The following SSX7 variants were observed in gnomAD, a reference collection of about 807,000 sequenced individuals.
SSX7 encodes the protein protein SSX7.
A neutral mutation model predicts 14.7 loss-of-function variants in SSX7; 15 were observed. That is an observed-to-expected ratio of 1.02 (90% CI 0.68 to 1.58). The LOEUF (loss-of-function observed/expected upper bound fraction) is 1.58, where lower values mean the gene tolerates loss of function less well. SSX7 is among the 40% of genes most tolerant of loss of function. The pLI is 0.00. For synonymous variants in SSX7, 46 were observed against 50.6 expected (o/e 0.91, Z 0.38); for missense variants, 178 against 146.8 (o/e 1.21, Z -1.10).
intron 5 of SSX7, among the ~76,000 whole-genome samples, chrX:52,649,672 G>A (rs782763671): frequency 3.6e-5 from 4 of 111,786 alleles, no homozygotes; most frequent in Non-Finnish European, 7.5e-5. Flanking sequence ...CAGTCAAAAC[G>A]ATTCCTAAGC....
intron 6 of SSX7, among the ~76,000 whole-genome samples, chrX:52,646,471 T>C (rs1374343064): frequency 8.9e-6 from 1 of 112,686 alleles, no homozygotes; most frequent in Non-Finnish European, 1.9e-5. Context: ...GAAAATAGGG[T>C]ATCCATCCCT....
At position 52,650,377 on chromosome X, in the gene SSX7, G is replaced by A; in HGVS notation, c.306C>T (p.Cys102=). 8.3e-7 allele frequency: 1 copy of A among 1,210,256 alleles called. No individual in the cohort carries two copies. The highest frequency in any genetic ancestry group is 1.1e-6 in the Non-Finnish European group (1 of 894,443). Residue 102 remains cysteine (C), a synonymous_variant, in exon 5 of 8, where the codon TGC becomes TGT. Transcript: ENST00000298181. ...CCTTCGGGAAGATTCTCTGGAGCCT[G>A]CAAAAAGTCATCTGAGGACGTTCAA... ...NQVERPQMTF[C]RLQRIFPKIM...
chrX:52,649,052 G>A (rs1411549197), intron 5 of SSX7, among the ~76,000 whole-genome samples: 1 of 109,276 alleles, frequency 9.2e-6, no homozygotes, highest in Non-Finnish European at 1.9e-5. Flanking sequence ...GTTTTGTTTT[G>A]AGACAGAGTC....
intron 1 of SSX7, among the ~76,000 whole-genome samples, chrX:52,654,364 G>GGT (rs1556767486): frequency 3.3e-5 from 2 of 60,944 alleles, no homozygotes; most frequent in African/African-American, 6.6e-5. Context: ...ATTTGAGTGA[G>GGT]TTTTTTTTTT....
chrX:52,647,129 A>T (rs150016590), intron 6 of SSX7, among the ~76,000 whole-genome samples: 2 of 112,369 alleles, frequency 1.8e-5, no homozygotes, highest in Non-Finnish European at 3.7e-5. Context: ...GAGCAAGACC[A>T]GAACTCTCTT....
chrX:52,649,032 T>A (rs1556766698), intron 5 of SSX7, among the ~76,000 whole-genome samples: 1 of 111,194 alleles, frequency 9.0e-6, no homozygotes, highest in Non-Finnish European at 1.9e-5. Context: ...AAGCTACTTT[T>A]TTTTTTGTTG....
At chrX:52,653,238 A>G (rs1448347129) in intron 2 of SSX7, 166 bp downstream of exon 2, 2 of 752,196 alleles carry the variant, frequency 2.7e-6, no homozygotes, top group East Asian at 3.1e-4. Context: ...CTTGTCTCCA[A>G]GGATGCTAGT....
At chrX:52,653,853 G>T (rs374357161) in intron 1 of SSX7, among the ~76,000 whole-genome samples, 12 of 110,697 alleles carry the variant, frequency 1.1e-4, no homozygotes, top group African/African-American at 3.6e-4. Context: ...TATTCAGTGG[G>T]GGCATGCTGA....
chrX:52,647,451 G>A (rs181927499), intron 6 of SSX7, among the ~76,000 whole-genome samples: 1 of 112,163 alleles, frequency 8.9e-6, no homozygotes, highest in East Asian at 2.8e-4. Context: ...TTCTACTGTG[G>A]GTAAAATGCT....
chrX:52,646,562 A>G (rs1295224185), intron 6 of SSX7, among the ~76,000 whole-genome samples: 2 of 112,018 alleles, frequency 1.8e-5, no homozygotes, highest in Admixed American at 1.9e-4. Flanking sequence ...GTTATTATTG[A>G]CAATAATCAC....
chrX:52,650,232 G>A (rs1407726750), intron 5 of SSX7, 121 bp downstream of exon 5: 1 of 890,802 alleles, frequency 1.1e-6, no homozygotes, highest in Non-Finnish European at 1.6e-6. Context: ...ATCAGGTGTT[G>A]TGATAGACAT....
intron 6 of SSX7, among the ~76,000 whole-genome samples, 174 bp downstream of exon 6, chrX:52,648,087 C>A (rs1472243084): frequency 8.9e-6 from 1 of 112,033 alleles, no homozygotes; most frequent in Non-Finnish European, 1.9e-5. Flanking sequence ...ATATGGGTGA[C>A]AACTCCAGTC....
chrX:52,653,036 G>T (rs782276981), intron 2 of SSX7, 52 bp from the exon 3 acceptor site: 5 of 1,184,917 alleles, frequency 4.2e-6, no homozygotes, highest in Non-Finnish European at 5.7e-6. Context: ...AGACATGTCT[G>T]CCATTCAGCT....
chrX:52,647,024 C>T (rs782559865), intron 6 of SSX7, among the ~76,000 whole-genome samples: 2 of 112,475 alleles, frequency 1.8e-5, no homozygotes, highest in South Asian at 3.7e-4. Flanking sequence ...AATAAGAAAG[C>T]AAAACTGCCT....
intron 4 of SSX7, among the ~76,000 whole-genome samples, chrX:52,651,155 T>C (rs1463603127): frequency 1.8e-5 from 2 of 112,189 alleles, no homozygotes; most frequent in African/African-American, 6.5e-5. Context: ...CTCTGTGTGT[T>C]GGATGAGGGA....
At chrX:52,647,074 T>A (rs1182190633) in intron 6 of SSX7, among the ~76,000 whole-genome samples, 1 of 112,541 alleles carries the variant, frequency 8.9e-6, no homozygotes, top group Non-Finnish European at 1.9e-5. Flanking sequence ...TCAGGATATT[T>A]GATGAAACCA....
intron 6 of SSX7, among the ~76,000 whole-genome samples, chrX:52,647,424 T>A (rs185035349): frequency 8.9e-6 from 1 of 112,602 alleles, no homozygotes; most frequent in East Asian, 2.8e-4. Flanking sequence ...GAGAATTGAC[T>A]CGAACTTTGA....
intron 2 of SSX7, 46 bp downstream of exon 2, chrX:52,653,358 A>G: frequency 2.5e-6 from 3 of 1,210,471 alleles, no homozygotes; most frequent in Non-Finnish European, 2.2e-6. Context: ...TGGCCACCCC[A>G]CACTGTCCCC....
At chrX:52,650,095 C>A (rs782294279) in intron 5 of SSX7, among the ~76,000 whole-genome samples, 13 of 111,266 alleles carry the variant, frequency 1.2e-4, no homozygotes, top group African/African-American at 4.2e-4. Context: ...CAAAGTCATA[C>A]AGGTCTTCTT....
Sources: allele counts gnomAD v4.1 joint callset (sites outside exome capture counted in the v4.1 genomes callset), GRCh38; gene constraint gnomAD v4.1.1; transcripts MANE v1.5; gene names NCBI Gene and HGNC (gene_info 2026-07-23, HGNC 2026-07-21).